The following ZDHHC14 variants were observed in gnomAD, a reference collection of about 807,000 sequenced individuals.
ZDHHC14 encodes the protein palmitoyltransferase ZDHHC14.
ZDHHC14 carries 16 observed loss-of-function variants against 47.7 expected under a neutral mutation model. That is an observed-to-expected ratio of 0.34 (90% CI 0.23 to 0.51). ZDHHC14 has a LOEUF of 0.51. Ranked by LOEUF, ZDHHC14 falls within the 20% of genes least tolerant of loss-of-function variation. The pLI, the probability that ZDHHC14 is intolerant of heterozygous loss-of-function variation, is 0.97. For missense variants in ZDHHC14, 515 were observed against 662.5 expected, an observed-to-expected ratio of 0.78 and a Z score of 2.44; for synonymous variants, 293 against 278.9, an observed-to-expected ratio of 1.05 and a Z score of -0.50.
intron 1 of ZDHHC14, among the ~76,000 whole-genome samples, chr6:157,478,587 G>A (rs1376814246): frequency 1.3e-5 from 2 of 152,314 alleles, no homozygotes; most frequent in East Asian, 3.9e-4. Context: ...ACACACAAGA[G>A]AGTCAAAGAA....
At chr6:157,616,174 G>GGCTCCTGCAAGAGGGGACAA (rs1415391930) in intron 3 of ZDHHC14, among the ~76,000 whole-genome samples, 7 of 152,292 alleles carry the variant, frequency 4.6e-5, no homozygotes, top group Admixed American at 3.3e-4. Flanking sequence ...ATGTGACAGC[G>GGCTCCTGCAAGAGGGGACAA]GCTCCTGCAA....
At chr6:157,460,222 A>AC (rs1779043333) in intron 1 of ZDHHC14, among the ~76,000 whole-genome samples, 1 of 150,244 alleles carries the variant, frequency 6.7e-6, no homozygotes, top group African/African-American at 2.4e-5. Context: ...ACAAAAACAA[A>AC]AAACAAAACA....
chr6:157,600,085 C>T (rs146675015), intron 3 of ZDHHC14, among the ~76,000 whole-genome samples: 45 of 152,276 alleles, frequency 3.0e-4, no homozygotes, highest in Middle Eastern at 3.4e-3. Context: ...AGCTTACTTC[C>T]TATGTTCTGA....
At chr6:157,490,593 C>T (rs561879708) in intron 1 of ZDHHC14, among the ~76,000 whole-genome samples, 4 of 152,252 alleles carry the variant, frequency 2.6e-5, no homozygotes, top group South Asian at 2.1e-4. Context: ...GCTGAAAGCA[C>T]GAATACACAG....
At position 157,480,978 on chromosome 6, in the gene ZDHHC14, G is replaced by A. The variant is rs572771034; in HGVS notation, c.246-61607G>A. Among the ~76,000 whole-genome samples the A allele has an allele frequency of 1.5e-4, 23 of 152,268 alleles. 1 individual carries two copies. In the East Asian group the frequency reaches 2.3e-3, roughly 15 times the overall value. On this transcript the variant is annotated intron_variant, in intron 1 of 8. Transcript: ENST00000359775. ...ATTGATATCAGTTGTTTTGTTACAA[G>A]AGCTAGAGAATCACCAAGTTGTCTA... is the stretch of plus-strand genomic sequence containing the variant.
chr6:157,443,961 G>T (rs746869585), intron 1 of ZDHHC14, among the ~76,000 whole-genome samples: 1 of 152,084 alleles, frequency 6.6e-6, no homozygotes, highest in Non-Finnish European at 1.5e-5. Flanking sequence ...AATGAATATG[G>T]TATTGTTATC....
intron 2 of ZDHHC14, among the ~76,000 whole-genome samples, chr6:157,590,212 T>G (rs1323957067): frequency 2.0e-5 from 3 of 151,960 alleles, no homozygotes; most frequent in Non-Finnish European, 4.4e-5. Context: ...TGGGGAGAAA[T>G]TCAAGCTGAC....
chr6:157,479,120 G>C (rs1336309820), intron 1 of ZDHHC14, among the ~76,000 whole-genome samples: 1 of 152,234 alleles, frequency 6.6e-6, no homozygotes, highest in African/African-American at 2.4e-5. Context: ...GGACTCTGGA[G>C]TCCACCTTCC....
At chr6:157,597,010 T>A (rs554138251) in intron 3 of ZDHHC14, among the ~76,000 whole-genome samples, 22 of 152,334 alleles carry the variant, frequency 1.4e-4, no homozygotes, top group African/African-American at 5.0e-4. Context: ...ACTTTGTCCC[T>A]GCTGCCTGTT....
chr6:157,550,573 G>A (rs550987772), intron 2 of ZDHHC14, among the ~76,000 whole-genome samples: 8 of 150,032 alleles, frequency 5.3e-5, no homozygotes, highest in African/African-American at 9.7e-5. Context: ...GAGAGAACAC[G>A]GTGTCACACA....
At chr6:157,549,636 C>T (rs1394887) in intron 2 of ZDHHC14, among the ~76,000 whole-genome samples, 9,408 of 152,122 alleles carry the variant, frequency 0.062, 1,019 homozygotes, top group African/African-American at 0.21. Flanking sequence ...TGTCGAGATT[C>T]CGATGTCCCT....
At position 157,482,289 on chromosome 6, in the gene ZDHHC14, C is replaced by T. The variant is rs1268585385; in HGVS notation, c.246-60296C>T. Among the ~76,000 whole-genome samples, 4 of 127,992 alleles carry T rather than the reference C, an allele frequency of 3.1e-5. No homozygotes were observed. In the East Asian group the frequency reaches 7.2e-4, roughly 23 times the overall value. 84.0% of individuals were successfully genotyped at this position (127,992 alleles called of 152,430 possible). Reference sequence around the variant, plus strand: ...TTTTTTTTTTTTTTTGAGATGGAGTCTTGCTCTGTTTCCCAGGCTGGAGTG... The same window carrying T: ...TTTTTTTTTTTTTTTGAGATGGAGTTTTGCTCTGTTTCCCAGGCTGGAGTG... On this transcript the variant is annotated intron_variant, in intron 1 of 8. Transcript: ENST00000359775.
chr6:157,636,270 A>G (rs1776970034), intron 5 of ZDHHC14, among the ~76,000 whole-genome samples: 1 of 152,110 alleles, frequency 6.6e-6, no homozygotes, highest in Non-Finnish European at 1.5e-5. Flanking sequence ...AAGCCCTCAT[A>G]TATACATGTG....
intron 1 of ZDHHC14, among the ~76,000 whole-genome samples, chr6:157,466,778 G>A (rs1257446616): frequency 1.3e-5 from 2 of 151,608 alleles, no homozygotes; most frequent in East Asian, 1.9e-4. Flanking sequence ...ATGAAAGCTC[G>A]TGAGCCGAGA....
Position 157,554,515 on chromosome 6 carries a change from G to A in ZDHHC14, c.406+11770G>A, listed in dbSNP as rs760400632. On this transcript the variant is annotated intron_variant, in intron 2 of 8. Coordinates refer to ENST00000359775, the MANE Select transcript of ZDHHC14 (RefSeq NM_024630.3). ...AAAGAGTACTAATGGAAGATTTTAC[G>A]TTCTTTTGTCACACAGTACATTTCA... is the stretch of plus-strand genomic sequence containing the variant. Among the ~76,000 whole-genome samples the A allele has an allele frequency of 7.9e-5, 12 of 152,150 alleles. No individual in the cohort carries two copies. The South Asian group carries it at 8.3e-4, about 11-fold the overall frequency.
intron 1 of ZDHHC14, among the ~76,000 whole-genome samples, chr6:157,508,008 A>C (rs900364651): frequency 6.6e-6 from 1 of 152,224 alleles, no homozygotes; most frequent in Non-Finnish European, 1.5e-5. Flanking sequence ...CCTCAATCAG[A>C]ATTTTGAAGC....
rs891178582 is a variant in ZDHHC14, at chr6:157,673,145, G to A, written c.*23G>A. ...TGACCCACATGGCCCCAGGCCGGGG[G>A]ACACCAGAGGCTCCTCCATGGGCAG... is the stretch of plus-strand genomic sequence containing the variant. On this transcript the variant is annotated 3_prime_UTR_variant, in exon 9 of 9. Coordinates refer to ENST00000359775, the MANE Select transcript of ZDHHC14 (RefSeq NM_024630.3). The surrounding 1 kb of genome is among the most constrained non-coding windows in gnomAD (Gnocchi z 5.4). 3.9e-6 allele frequency: 6 copies of A among 1,545,082 alleles called. No individual in the cohort carries two copies. The highest frequency in any genetic ancestry group is 4.3e-6 in the Non-Finnish European group (5 of 1,156,684).
intron 1 of ZDHHC14, among the ~76,000 whole-genome samples, chr6:157,528,221 T>C (rs1449228236): frequency 1.3e-5 from 2 of 152,216 alleles, no homozygotes; most frequent in Non-Finnish European, 2.9e-5. Flanking sequence ...CAGTTAATAA[T>C]CGTGTTTGCC....
chr6:157,575,290 A>C (rs1783263944), intron 2 of ZDHHC14, among the ~76,000 whole-genome samples: 2 of 152,266 alleles, frequency 1.3e-5, no homozygotes. Flanking sequence ...TCATCTAAAA[A>C]ATATCTTCAT....
Sources: allele counts gnomAD v4.1 joint callset (sites outside exome capture counted in the v4.1 genomes callset), GRCh38; gene constraint gnomAD v4.1.1; non-coding constraint Gnocchi (gnomAD v3.1); transcripts MANE v1.5; gene names NCBI Gene and HGNC (gene_info 2026-07-23, HGNC 2026-07-21).